ATP2B2: variants seen among roughly 807,000 people sequenced by gnomAD.
ATP2B2 encodes the protein ATPase plasma membrane Ca2+ transporting 2.
Under a neutral mutation model 120.0 loss-of-function variants are expected in ATP2B2, and 15 were observed. The observed-to-expected ratio is 0.12, with a 90% CI of 0.08 to 0.19. The LOEUF (loss-of-function observed/expected upper bound fraction) is 0.19, where lower values mean the gene tolerates loss of function less well. Among genes scored for constraint, ATP2B2 ranks in the 10% least tolerant of loss-of-function variants. The pLI, the probability that ATP2B2 is intolerant of heterozygous loss-of-function variation, is 1.00. For missense variants in ATP2B2, 1,045 were observed against 1,719.8 expected (o/e 0.61, Z 6.94); for synonymous variants, 694 against 700.3 (o/e 0.99, Z 0.14).
rs146015676 is a variant in ATP2B2 at position 10,528,612 on chromosome 3, A to G, written c.-320+5427T>C. Among the ~76,000 whole-genome samples the G allele has an allele frequency of 4.0e-4, 61 of 152,312 alleles. 1 individual carries two copies. The East Asian group carries it at 7.7e-3, about 19-fold the overall frequency. On this transcript the variant is annotated intron_variant, in intron 3 of 21. Transcript: ENST00000646379. ...TGTAATCTTCCTCCTTCGTGTGCCA[A>G]CGTGTGTTTTATCTTAAATATTTCT...
intron 12 of ATP2B2, among the ~76,000 whole-genome samples, chr3:10,360,498 T>C (rs1002506942): frequency 1.4e-4 from 22 of 152,328 alleles, no homozygotes; most frequent in Admixed American, 1.0e-3. Context: ...TTGAATCCCC[T>C]CCGCAAACCT....
chr3:10,669,558 C>A (rs189070473), intron 1 of ATP2B2, among the ~76,000 whole-genome samples: 1 of 152,304 alleles, frequency 6.6e-6, no homozygotes, highest in Non-Finnish European at 1.5e-5. Flanking sequence ...AGGAGCTGGG[C>A]CCCTCCCGTA....
chr3:10,607,057 T>G (rs148580784), intron 2 of ATP2B2, among the ~76,000 whole-genome samples: 3 of 152,174 alleles, frequency 2.0e-5, no homozygotes, highest in Non-Finnish European at 4.4e-5. Context: ...ACATTTAATT[T>G]GGCAACTCAG....
At chr3:10,669,134 T>C (rs892935865) in intron 1 of ATP2B2, among the ~76,000 whole-genome samples, 14 of 152,290 alleles carry the variant, frequency 9.2e-5, no homozygotes, top group African/African-American at 3.1e-4. Flanking sequence ...CCACAGTCCT[T>C]GAGAAACCAG....
At chr3:10,484,243 C>G (rs1575372277) in intron 1 of ATP2B2, among the ~76,000 whole-genome samples, 1 of 152,140 alleles carries the variant, frequency 6.6e-6, no homozygotes, top group Non-Finnish European at 1.5e-5. Context: ...CCAGAGACTT[C>G]CAGGGCAGGA....
intron 1 of ATP2B2, among the ~76,000 whole-genome samples, chr3:10,460,123 T>G (rs1459996017): frequency 6.6e-6 from 1 of 152,174 alleles, no homozygotes; most frequent in African/African-American, 2.4e-5. Flanking sequence ...GGGAATGAAG[T>G]GCTGATGGAT....
chr3:10,328,611 C>T lies in ATP2B2; in HGVS notation c.*203G>A. The T allele has an allele frequency of 1.6e-6, 1 of 627,942 alleles. No homozygotes were observed. Among genetic ancestry groups the T allele is most frequent in the Non-Finnish European group, 2.7e-6 (1 of 369,112 alleles). 38.9% of individuals were successfully genotyped at this position (627,942 alleles called of 1,614,324 possible). The stretch of plus-strand genomic sequence containing the variant: ...CCCCCAGTGGAGATCCCGCCCCTTG[C>T]CTTGAAGTGAAAAAGAGTTCAAACA... On this transcript the variant is annotated 3_prime_UTR_variant, in exon 23 of 23. Transcript: ENST00000360273.
intron 1 of ATP2B2, among the ~76,000 whole-genome samples, chr3:10,660,157 A>G (rs1488621595): frequency 6.6e-6 from 1 of 152,240 alleles, no homozygotes; most frequent in African/African-American, 2.4e-5. Flanking sequence ...AAAGATCTAA[A>G]ATCAACACCC....
In ATP2B2 at chr3:10,375,687, G is replaced by T; in HGVS notation, c.1202-43C>A. On this transcript the variant is annotated intron_variant, in intron 10 of 22. Transcript: ENST00000360273. The surrounding 1 kb of genome is among the most constrained non-coding windows in gnomAD (Gnocchi z 4.2). Reference sequence around the variant, plus strand: ...CATGCTTGGGGGGTTCCAGGAAGTGGAGGCTGGGGGTGGTGTGGACCAAAT... The same window carrying T: ...CATGCTTGGGGGGTTCCAGGAAGTGTAGGCTGGGGGTGGTGTGGACCAAAT... 1.9e-6 allele frequency: 3 copies of T among 1,578,274 alleles called. No homozygotes were observed. Among genetic ancestry groups the T allele is most frequent in the Non-Finnish European group, 2.6e-6 (3 of 1,150,806 alleles).
intron 1 of ATP2B2, among the ~76,000 whole-genome samples, chr3:10,456,656 G>A (rs568472253): frequency 5.9e-5 from 9 of 152,346 alleles, no homozygotes; most frequent in Non-Finnish European, 1.3e-4. Flanking sequence ...ATATTTCAAA[G>A]GGAACTCAGC....
intron 2 of ATP2B2, among the ~76,000 whole-genome samples, chr3:10,557,043 C>A (rs1358243136): frequency 1.3e-5 from 2 of 152,178 alleles, no homozygotes; most frequent in Non-Finnish European, 2.9e-5. Context: ...GTGAAGCCCC[C>A]AGACTGTCCT....
At chr3:10,367,714 C>T (rs1027671774) in intron 12 of ATP2B2, among the ~76,000 whole-genome samples, 1 of 152,116 alleles carries the variant, frequency 6.6e-6, no homozygotes, top group African/African-American at 2.4e-5. Context: ...CCTGGCTTGG[C>T]CTCAGATCTG....
At chr3:10,506,106 C>T (rs780379671), upstream of ATP2B2, among the ~76,000 whole-genome samples, 19 of 152,046 alleles carry the variant, frequency 1.2e-4, no homozygotes, top group Non-Finnish European at 2.5e-4. Context: ...GTCAAGGCAC[C>T]CCCAGACCTG....
chr3:10,643,294 G>A (rs558190274), intron 1 of ATP2B2, among the ~76,000 whole-genome samples: 31 of 152,346 alleles, frequency 2.0e-4, no homozygotes, highest in South Asian at 6.2e-4. Flanking sequence ...GAGAGCTCTT[G>A]CTTGAAGGAG....
chr3:10,402,539 C>T lies in ATP2B2; in HGVS notation c.398-191G>A, dbSNP rs1203482907. 6.6e-6 allele frequency among the ~76,000 whole-genome samples: 1 copy of T among 152,256 alleles called. No individual in the cohort carries two copies. The highest frequency in any genetic ancestry group is 1.5e-5 in the Non-Finnish European group (1 of 68,054). On this transcript the variant is annotated intron_variant, in intron 3 of 22. Transcript: ENST00000360273. This position sits in a 1 kb window ranked among gnomAD's most constrained non-coding sequence, Gnocchi z 4.9. ...CACGCAGATCATCTCACAGGGTATT[C>T]CCGCTGCCCATTTCACAGATGTGGA...
chr3:10,595,516 G>A (rs1300364915), intron 2 of ATP2B2, among the ~76,000 whole-genome samples: 1 of 152,176 alleles, frequency 6.6e-6, no homozygotes, highest in Non-Finnish European at 1.5e-5. Context: ...CCCTCACGGT[G>A]CAGATAAGGA....
intron 2 of ATP2B2, among the ~76,000 whole-genome samples, chr3:10,578,340 C>T (rs1226836571): frequency 6.6e-6 from 1 of 151,452 alleles, no homozygotes; most frequent in Non-Finnish European, 1.5e-5. Flanking sequence ...TATAGGAGAT[C>T]GAGATCATCC....
intron 1 of ATP2B2, among the ~76,000 whole-genome samples, chr3:10,479,247 C>T (rs2065313970): frequency 6.6e-6 from 1 of 151,074 alleles, no homozygotes; most frequent in Admixed American, 6.6e-5. Flanking sequence ...AAAACACTCC[C>T]ACATGTGATC....
chr3:10,706,126 G>C lies in ATP2B2; in HGVS notation c.-460+1789C>G, dbSNP rs569861241. Among the ~76,000 whole-genome samples the C allele has an allele frequency of 2.0e-4, 30 of 152,348 alleles. No homozygotes were observed. In the South Asian group the frequency reaches 6.2e-3, roughly 32 times the overall value. Reference sequence around the variant, plus strand: ...TCCGCTAGCTGTGGTTGATCTCTCTGTATTTCTAAGTGCCTCCTGACTCAC... The same window carrying C: ...TCCGCTAGCTGTGGTTGATCTCTCTCTATTTCTAAGTGCCTCCTGACTCAC... On this transcript the variant is annotated intron_variant, in intron 1 of 21. Coordinates refer to the ATP2B2 transcript ENST00000646379.
Sources: allele counts gnomAD v4.1 joint callset (sites outside exome capture counted in the v4.1 genomes callset), GRCh38; gene constraint gnomAD v4.1.1; non-coding constraint Gnocchi (gnomAD v3.1); transcripts MANE v1.5; gene names NCBI Gene and HGNC (gene_info 2026-07-23, HGNC 2026-07-21).